The following STK32C variants were observed in gnomAD, a reference collection of about 807,000 sequenced individuals.
The protein encoded by STK32C is serine/threonine kinase 32C, also known as serine/threonine-protein kinase 32C.
Under a neutral mutation model 56.5 loss-of-function variants are expected in STK32C, and 31 were observed. The observed-to-expected ratio is 0.55, with a 90% CI of 0.41 to 0.74. The LOEUF (loss-of-function observed/expected upper bound fraction) is 0.74. Ranked by LOEUF, STK32C falls within the 30% of genes least tolerant of loss-of-function variation. The pLI is 0.00. For synonymous variants in STK32C, 309 were observed against 289.4 expected (o/e 1.07, Z -0.69); for missense variants, 544 against 676.9 (o/e 0.80, Z 2.18).
intron 2 of STK32C, among the ~76,000 whole-genome samples, chr10:132,245,624 G>A (rs2063661096): frequency 1.3e-5 from 2 of 152,246 alleles, no homozygotes; most frequent in Non-Finnish European, 2.9e-5. Context: ...TGGCCTCTAG[G>A]CTCCAGTTCA....
exon 1 of STK32C, chr10:132,331,674 C>T (rs763512799): frequency 3.7e-6 from 6 of 1,612,790 alleles, no homozygotes; most frequent in Non-Finnish European, 5.1e-6. Context: ...CTTTTCTGCT[C>T]GGCTGTCCTC....
chr10:132,249,040 TCCCGACTGTGCGA>T (rs1565107915), intron 1 of STK32C: 3 of 473,840 alleles, frequency 6.3e-6, no homozygotes, highest in South Asian at 1.6e-5. Context: ...CTGCAAAGCC[TCCCGACTGTGCGA>T]CGGAGGCGGC....
At chr10:132,225,813 G>A (rs1244202770) in intron 4 of STK32C, 29 bp from the exon 5 acceptor site, 7 of 1,613,254 alleles carry the variant, frequency 4.3e-6, no homozygotes, top group South Asian at 1.1e-5. Context: ...GGGAAGGTGA[G>A]TTGGGAATCT....
chr10:132,223,126 A>C, intron 8 of STK32C, 140 bp from the exon 9 acceptor site: 1 of 1,194,564 alleles, frequency 8.4e-7, no homozygotes, highest in Non-Finnish European at 1.1e-6. Context: ...GGGCCACGCG[A>C]GGAAGGGTGG....
At position 132,255,308 on chromosome 10, in the gene STK32C, C is replaced by T. The variant is rs540790693; in HGVS notation, c.263-9353G>A. 4.6e-5 allele frequency among the ~76,000 whole-genome samples: 7 copies of T among 152,264 alleles called. No individual in the cohort carries two copies. Among genetic ancestry groups the T allele is most frequent in the South Asian group, 4.1e-4 (2 of 4,832 alleles). On this transcript the variant is annotated intron_variant, in intron 1 of 11. Transcript: ENST00000298630. The surrounding 1 kb of genome is among the most constrained non-coding windows in gnomAD (Gnocchi z 4.6). ...CCGGGCCAGGTGGAAGAGTTGGAACCGGCCCGATAGCTCCTCCTGGCAATG... is the reference window on the plus strand; with the variant it reads ...CCGGGCCAGGTGGAAGAGTTGGAACTGGCCCGATAGCTCCTCCTGGCAATG...
chr10:132,324,358 T>G, exon 2 of STK32C: 1 of 778,906 alleles, frequency 1.3e-6, no homozygotes, highest in Non-Finnish European at 2.4e-6. Flanking sequence ...AGTCCTGGGG[T>G]GTGCTCTCAG....
At chr10:132,246,430 G>A (rs1335014642) in intron 1 of STK32C, among the ~76,000 whole-genome samples, 1 of 152,216 alleles carries the variant, frequency 6.6e-6, no homozygotes, top group Non-Finnish European at 1.5e-5. Context: ...AGGGGTGTCA[G>A]CCCTGCTGGC....
chr10:132,314,142 C>T (rs894843831), intron 1 of STK32C, among the ~76,000 whole-genome samples: 2 of 152,230 alleles, frequency 1.3e-5, no homozygotes, highest in African/African-American at 4.8e-5. Context: ...CCCCTCTGCC[C>T]TTCTGCATCT....
At chr10:132,258,364 T>A (rs2064194617) in intron 1 of STK32C, among the ~76,000 whole-genome samples, 1 of 152,238 alleles carries the variant, frequency 6.6e-6, no homozygotes, top group African/African-American at 2.4e-5. Context: ...CTCGAAGAGT[T>A]CCTCACAGCC....
chr10:132,316,940 T>C (rs2066321306), intron 1 of STK32C, among the ~76,000 whole-genome samples: 1 of 149,064 alleles, frequency 6.7e-6, no homozygotes, highest in Admixed American at 6.7e-5. Context: ...GAGGCAGAGG[T>C]TGCAGTGAGT....
intron 1 of STK32C, chr10:132,249,041 C>A: frequency 2.1e-6 from 1 of 474,270 alleles, no homozygotes; most frequent in East Asian, 6.3e-5. Context: ...TGCAAAGCCT[C>A]CCGACTGTGC....
At chr10:132,253,942 G>T (rs955377889) in intron 1 of STK32C, among the ~76,000 whole-genome samples, 2 of 152,266 alleles carry the variant, frequency 1.3e-5, no homozygotes, top group Non-Finnish European at 2.9e-5. Context: ...GCCCACATGG[G>T]CATAGAAAGA....
chr10:132,260,289 GT>G (rs2064259261), intron 1 of STK32C, among the ~76,000 whole-genome samples: 1 of 152,200 alleles, frequency 6.6e-6, no homozygotes. Flanking sequence ...CACCCCCAGA[GT>G]CCGGCCCGGG....
At chr10:132,325,136 T>C (rs959589066) in intron 1 of STK32C, among the ~76,000 whole-genome samples, 3 of 152,156 alleles carry the variant, frequency 2.0e-5, no homozygotes, top group East Asian at 3.9e-4. Flanking sequence ...CCAAATCTTA[T>C]GTTGAATTCC....
intron 1 of STK32C, among the ~76,000 whole-genome samples, chr10:132,295,278 C>A (rs1022292998): frequency 6.6e-6 from 1 of 152,130 alleles, no homozygotes; most frequent in Admixed American, 6.5e-5. Context: ...AACAAAGAAA[C>A]CAGGGCTCCT....
intron 1 of STK32C, among the ~76,000 whole-genome samples, chr10:132,301,144 G>A (rs1216104045): frequency 6.6e-6 from 1 of 151,956 alleles, no homozygotes; most frequent in African/African-American, 2.4e-5. Flanking sequence ...CCCAGTAGAA[G>A]GCCTGGTCCT....
chr10:132,249,078 C>A (rs530802525), intron 1 of STK32C: 79 of 478,666 alleles, frequency 1.7e-4, no homozygotes, highest in South Asian at 8.8e-4. Context: ...CCGGCAGAGG[C>A]TCCCAGCTGG....
downstream of STK32C, among the ~76,000 whole-genome samples, chr10:132,319,065 C>T (rs1363920376): frequency 1.3e-5 from 2 of 152,208 alleles, no homozygotes; most frequent in African/African-American, 4.8e-5. Context: ...TCTCCTGCCT[C>T]AGCCTCCCAA....
intron 2 of STK32C, among the ~76,000 whole-genome samples, chr10:132,243,101 C>T (rs992357163): frequency 2.0e-5 from 3 of 152,200 alleles, no homozygotes; most frequent in Non-Finnish European, 2.9e-5. Context: ...CCTGGGGCAG[C>T]GACCTCCCCT....
Sources: gnomAD v4.1 joint callset for allele counts (sites outside exome capture counted in the v4.1 genomes callset) on GRCh38, gnomAD v4.1.1 for gene constraint, Gnocchi (gnomAD v3.1) non-coding constraint, MANE v1.5 for transcripts, NCBI Gene and HGNC (gene_info 2026-07-23, HGNC 2026-07-21) for gene names.